The following AP3B1 variants were observed in gnomAD, a reference collection of about 807,000 sequenced individuals.
The protein encoded by AP3B1 is adaptor related protein complex 3 subunit beta 1.
Under a neutral mutation model 132.5 loss-of-function variants are expected in AP3B1, and 61 were observed. The observed-to-expected ratio is 0.46, with a 90% CI of 0.37 to 0.57. AP3B1 has a LOEUF of 0.57. AP3B1 is among the 20% of genes least tolerant of loss of function. The pLI, the probability that AP3B1 is intolerant of heterozygous loss-of-function variation, is 0.00. For missense variants in AP3B1, 1,120 were observed against 1,289.4 expected (o/e 0.87, Z 2.01); for synonymous variants, 388 against 438.3 (o/e 0.89, Z 1.43).
At chr5:78,043,709 T>C (rs1748197486) in intron 22 of AP3B1, 1 of 426,802 alleles carries the variant, frequency 2.3e-6, no homozygotes, top group Admixed American at 2.7e-5. Flanking sequence ...TTGTTGTGCT[T>C]TGTGATCACA....
intron 7 of AP3B1, among the ~76,000 whole-genome samples, chr5:78,196,796 G>A (rs1047829954): frequency 6.6e-6 from 1 of 152,144 alleles, no homozygotes; most frequent in African/African-American, 2.4e-5. Context: ...TATGATTCCA[G>A]CTATATGATA....
At chr5:78,129,891 A>T (rs971332737) in intron 15 of AP3B1, among the ~76,000 whole-genome samples, 1 of 152,100 alleles carries the variant, frequency 6.6e-6, no homozygotes, top group Non-Finnish European at 1.5e-5. Flanking sequence ...TTTAGCTGTT[A>T]CTTTTTCATA....
chr5:78,051,431 A>C (rs1228722682), intron 22 of AP3B1, among the ~76,000 whole-genome samples: 1 of 150,822 alleles, frequency 6.6e-6, no homozygotes, highest in Non-Finnish European at 1.5e-5. Flanking sequence ...CTTTTTTTTG[A>C]GATTATTAAG....
chr5:78,127,970 A>G, intron 17 of AP3B1, 60 bp downstream of exon 17: 1 of 1,591,434 alleles, frequency 6.3e-7, no homozygotes, highest in Middle Eastern at 1.7e-4. Flanking sequence ...ATATAAAACA[A>G]TAGCTATCCT....
intron 3 of AP3B1, among the ~76,000 whole-genome samples, chr5:78,238,506 G>A (rs964180519): frequency 6.6e-6 from 1 of 152,054 alleles, no homozygotes. Flanking sequence ...CAAAAACGTT[G>A]GGGACTACTG....
At position 78,162,421 on chromosome 5, in the gene AP3B1, A is replaced by C. The variant is rs999248311; in HGVS notation, c.1363+398T>G. Among the ~76,000 whole-genome samples, 7 of 152,282 alleles carry C rather than the reference A, an allele frequency of 4.6e-5. 1 individual carries two copies. The highest frequency in any genetic ancestry group is 3.9e-4 in the Admixed American group (6 of 15,286). ...ATACAGTTAACATATTTTTTGATCT[A>C]GCCACTTCTCCATGTTATAGTCATT... On this transcript the variant is annotated intron_variant, in intron 13 of 26. Transcript: ENST00000255194.
intron 25 of AP3B1, among the ~76,000 whole-genome samples, chr5:78,018,236 C>A (rs1327095799): frequency 6.6e-6 from 1 of 151,854 alleles, no homozygotes. Flanking sequence ...ATGAATAAAT[C>A]ATGCTTCTGA....
At chr5:78,050,042 T>C (rs765473420) in intron 22 of AP3B1, among the ~76,000 whole-genome samples, 2 of 152,208 alleles carry the variant, frequency 1.3e-5, no homozygotes, top group African/African-American at 2.4e-5. Flanking sequence ...TTGTTTATTC[T>C]ACTCATCGCC....
intron 7 of AP3B1, among the ~76,000 whole-genome samples, chr5:78,188,857 G>A (rs1294583105): frequency 1.3e-5 from 2 of 152,064 alleles, no homozygotes; most frequent in African/African-American, 4.8e-5. Flanking sequence ...ACTACATAAA[G>A]AAAATGTGGT....
At chr5:78,180,624 T>A (rs889663367) in intron 8 of AP3B1, among the ~76,000 whole-genome samples, 5 of 151,720 alleles carry the variant, frequency 3.3e-5, no homozygotes, top group African/African-American at 1.2e-4. Flanking sequence ...TTAAATGAAA[T>A]GAAATTTTAT....
chr5:78,114,941 T>C (rs1389660538), intron 18 of AP3B1, among the ~76,000 whole-genome samples: 1 of 152,190 alleles, frequency 6.6e-6, no homozygotes, highest in Non-Finnish European at 1.5e-5. Context: ...GGTTTCCTTT[T>C]CAGCAAATGG....
chr5:78,132,213 T>C (rs1341902311), intron 15 of AP3B1, among the ~76,000 whole-genome samples: 6 of 152,152 alleles, frequency 3.9e-5, no homozygotes, highest in African/African-American at 1.4e-4. Context: ...AACCAATTCC[T>C]AAAACATTTC....
intron 1 of AP3B1, among the ~76,000 whole-genome samples, chr5:78,280,359 T>C (rs938640260): frequency 6.6e-6 from 1 of 152,320 alleles, no homozygotes; most frequent in African/African-American, 2.4e-5. Context: ...TGTATTTGGT[T>C]AACATTATCT....
chr5:78,183,288 T>C lies in AP3B1; in HGVS notation c.787-1626A>G, dbSNP rs190113043. Among the ~76,000 whole-genome samples, 51 of 152,290 alleles carry C rather than the reference T, an allele frequency of 3.3e-4. 1 individual carries two copies. The East Asian group carries it at 9.7e-3, about 29-fold the overall frequency. On this transcript the variant is annotated intron_variant, in intron 7 of 26. Transcript: ENST00000255194. ...GCACCCCTCTCTCTTTCCACCACCC[T>C]TCCCTGCTAGAGTGGTATCAAACAA...
intron 3 of AP3B1, among the ~76,000 whole-genome samples, chr5:78,231,222 A>G (rs1746637577): frequency 6.6e-6 from 1 of 152,000 alleles, no homozygotes; most frequent in Admixed American, 6.6e-5. Context: ...CCAAGGCTGG[A>G]GTGCAGTGGG....
intron 17 of AP3B1, among the ~76,000 whole-genome samples, chr5:78,124,467 T>C (rs978210479): frequency 2.0e-5 from 3 of 152,230 alleles, no homozygotes; most frequent in Admixed American, 2.0e-4. Flanking sequence ...TCTCAGCACT[T>C]TGGGAGCTGA....
intron 22 of AP3B1, among the ~76,000 whole-genome samples, chr5:78,065,514 T>C (rs1416899775): frequency 6.6e-6 from 1 of 152,070 alleles, no homozygotes; most frequent in Non-Finnish European, 1.5e-5. Flanking sequence ...CCCGGAGGAA[T>C]TTTCCACAGC....
intron 2 of AP3B1, among the ~76,000 whole-genome samples, chr5:78,259,302 T>C (rs1015654008): frequency 2.7e-5 from 4 of 150,302 alleles, no homozygotes; most frequent in African/African-American, 9.8e-5. Flanking sequence ...CACTTACTTG[T>C]GGGGTCTAAA....
At chr5:78,233,201 T>C (rs1746724214) in intron 3 of AP3B1, among the ~76,000 whole-genome samples, 3 of 152,028 alleles carry the variant, frequency 2.0e-5, no homozygotes, top group African/African-American at 7.2e-5. Context: ...TCTTCTTTCA[T>C]CTGGAGAAGT....
Sources: allele counts gnomAD v4.1 joint callset (sites outside exome capture counted in the v4.1 genomes callset), GRCh38; gene constraint gnomAD v4.1.1; transcripts MANE v1.5; gene names NCBI Gene and HGNC (gene_info 2026-07-23, HGNC 2026-07-21).